Variants in PAK5 observed in about 807,000 individuals in gnomAD.
PAK5 encodes p21 (RAC1) activated kinase 5, also known as serine/threonine-protein kinase PAK 5.
A neutral mutation model predicts 65.9 loss-of-function variants in PAK5; 16 were observed. The ratio of observed to expected loss-of-function variants is 0.24; its 90% confidence interval spans 0.16 to 0.37. The LOEUF is 0.37. PAK5 is among the 10% of genes least tolerant of loss of function. PAK5 has a pLI of 1.00. For synonymous variants in PAK5, 371 were observed against 354.9 expected (o/e 1.05, Z -0.51); for missense variants, 785 against 903.9 (o/e 0.87, Z 1.69).
chr20:9,648,465 T>G (rs1319301710), intron 2 of PAK5, among the ~76,000 whole-genome samples: 1 of 149,756 alleles, frequency 6.7e-6, no homozygotes, highest in African/African-American at 2.5e-5. Context: ...GGGTTGAACA[T>G]AAACCTCTTT....
chr20:9,787,246 C>T (rs1284018151), intron 1 of PAK5, among the ~76,000 whole-genome samples: 1 of 152,146 alleles, frequency 6.6e-6, no homozygotes, highest in Non-Finnish European at 1.5e-5. Context: ...TCATGCCCTA[C>T]TTGTCTCACT....
chr20:9,589,219 T>C (rs1431354435), intron 3 of PAK5, among the ~76,000 whole-genome samples: 2 of 152,346 alleles, frequency 1.3e-5, no homozygotes, highest in Non-Finnish European at 1.5e-5. Context: ...TCAGAACTTA[T>C]GTACTTTTAA....
At chr20:9,837,311 C>T (rs1413394832) in intron 1 of PAK5, among the ~76,000 whole-genome samples, 1 of 152,098 alleles carries the variant, frequency 6.6e-6, no homozygotes, top group Non-Finnish European at 1.5e-5. Context: ...CTTATGTATT[C>T]CCCCACTTCA....
In PAK5 at chr20:9,589,669, T is replaced by G. The variant is rs575009301; in HGVS notation, c.205-8739A>C. Among the ~76,000 whole-genome samples the G allele has an allele frequency of 2.6e-5, 4 of 152,298 alleles. No individual in the cohort carries two copies. The East Asian group carries it at 7.7e-4, about 29-fold the overall frequency. On this transcript the variant is annotated intron_variant, in intron 3 of 9. Coordinates refer to ENST00000353224, the MANE Select transcript of PAK5 (RefSeq NM_177990.4). ...TGGAATCCAAAAAGCCAATTTCTGT[T>G]TTTTTGTTTGTTTGTTTTGAGATGG...
Position 9,778,519 on chromosome 20 carries a change from T to C in PAK5, c.-162+60243A>G, listed in dbSNP as rs575051215. Among the ~76,000 whole-genome samples, 9 of 152,316 alleles carry C rather than the reference T, an allele frequency of 5.9e-5. No individual in the cohort carries two copies. The East Asian group carries it at 1.7e-3, about 29-fold the overall frequency. On this transcript the variant is annotated intron_variant, in intron 1 of 9. Transcript: ENST00000353224. ...TCCCAAAGGACTGGGATTACAGGTGTGAGTCACCACGACAGGCCAATACTT... is the reference window on the plus strand; with the variant it reads ...TCCCAAAGGACTGGGATTACAGGTGCGAGTCACCACGACAGGCCAATACTT...
At chr20:9,655,122 G>A (rs113095402) in intron 2 of PAK5, among the ~76,000 whole-genome samples, 12 of 152,092 alleles carry the variant, frequency 7.9e-5, no homozygotes, top group African/African-American at 2.9e-4. Context: ...CCTGTAGGCA[G>A]ACCAATGTTT....
At chr20:9,803,603 C>T (rs1569094730) in intron 1 of PAK5, among the ~76,000 whole-genome samples, 2 of 152,114 alleles carry the variant, frequency 1.3e-5, no homozygotes, top group Non-Finnish European at 2.9e-5. Context: ...GTTGGAAAAG[C>T]TGATGTAACC....
chr20:9,745,150 G>A (rs2048491907), intron 1 of PAK5, among the ~76,000 whole-genome samples: 1 of 151,920 alleles, frequency 6.6e-6, no homozygotes, highest in South Asian at 2.1e-4. Context: ...CCTGACATTG[G>A]GGCTCATTCA....
intron 3 of PAK5, among the ~76,000 whole-genome samples, chr20:9,584,645 T>C (rs935384795): frequency 6.6e-6 from 1 of 152,230 alleles, no homozygotes; most frequent in Non-Finnish European, 1.5e-5. Context: ...CAGGGTGGCC[T>C]TCAAGCCCTC....
chr20:9,675,820 T>C (rs544140333), intron 2 of PAK5, among the ~76,000 whole-genome samples: 1 of 152,260 alleles, frequency 6.6e-6, no homozygotes, highest in African/African-American at 2.4e-5. Flanking sequence ...ACTGATACCA[T>C]GTGTCTTGCT....
intron 1 of PAK5, among the ~76,000 whole-genome samples, chr20:9,778,685 C>T (rs745913711): frequency 6.6e-6 from 1 of 152,184 alleles, no homozygotes; most frequent in Non-Finnish European, 1.5e-5. Context: ...TTCATATAAA[C>T]ATGAGTTGAT....
intron 2 of PAK5, among the ~76,000 whole-genome samples, chr20:9,689,582 C>T (rs991492238): frequency 6.6e-6 from 1 of 152,150 alleles, no homozygotes; most frequent in Admixed American, 6.5e-5. Context: ...TGATTTGGAA[C>T]TCAGCAATGA....
At chr20:9,671,338 G>A (rs2123368756) in intron 2 of PAK5, among the ~76,000 whole-genome samples, 1 of 152,216 alleles carries the variant, frequency 6.6e-6, no homozygotes, top group African/African-American at 2.4e-5. Flanking sequence ...GATGAGGATG[G>A]CATTGAATCT....
intron 1 of PAK5, among the ~76,000 whole-genome samples, chr20:9,815,403 G>A (rs554395981): frequency 6.6e-6 from 1 of 152,130 alleles, no homozygotes; most frequent in Non-Finnish European, 1.5e-5. Flanking sequence ...TGGGAAGAAA[G>A]TCATGATTAG....
At chr20:9,691,118 T>C (rs1037651158) in intron 2 of PAK5, among the ~76,000 whole-genome samples, 3 of 152,114 alleles carry the variant, frequency 2.0e-5, no homozygotes, top group African/African-American at 7.2e-5. Context: ...CAAGGGCATA[T>C]AGGCAGGGCA....
At chr20:9,809,474 A>C (rs550219366) in intron 1 of PAK5, among the ~76,000 whole-genome samples, 1 of 152,240 alleles carries the variant, frequency 6.6e-6, no homozygotes, top group East Asian at 1.9e-4. Flanking sequence ...TTTAGAAAGT[A>C]ACAGCTGAGA....
intron 1 of PAK5, among the ~76,000 whole-genome samples, chr20:9,797,004 C>T (rs1009281026): frequency 2.0e-5 from 3 of 151,920 alleles, no homozygotes; most frequent in African/African-American, 7.2e-5. Flanking sequence ...ACAGTCCCAC[C>T]AACAGTGTAA....
chr20:9,666,977 T>C (rs1367483185), intron 2 of PAK5, among the ~76,000 whole-genome samples: 1 of 152,266 alleles, frequency 6.6e-6, no homozygotes, highest in East Asian at 1.9e-4. Flanking sequence ...TGTCCCTTCT[T>C]TCATTAAGAT....
chr20:9,642,052 G>A (rs372285092), intron 3 of PAK5, among the ~76,000 whole-genome samples: 6 of 152,346 alleles, frequency 3.9e-5, no homozygotes, highest in East Asian at 3.9e-4. Flanking sequence ...GCAGCGGGGG[G>A]GCTGAAGGGC....
Sources: allele counts gnomAD v4.1 joint callset (sites outside exome capture counted in the v4.1 genomes callset), GRCh38; gene constraint gnomAD v4.1.1; transcripts MANE v1.5; gene names NCBI Gene and HGNC (gene_info 2026-07-23, HGNC 2026-07-21).